HIPK3: variants seen among roughly 807,000 people sequenced by gnomAD.
HIPK3 encodes the protein homeodomain-interacting protein kinase 3.
A neutral mutation model predicts 124.2 loss-of-function variants in HIPK3; 47 were observed. The observed-to-expected ratio is 0.38, with a 90% CI of 0.30 to 0.48. HIPK3 has a LOEUF of 0.48. HIPK3 is among the 20% of genes least tolerant of loss of function. The probability of loss-of-function intolerance (pLI) is 0.98; values close to 1 mark genes in which losing one functional copy is unlikely to be tolerated. For synonymous variants in HIPK3, 482 were observed against 515.2 expected (o/e 0.94, Z 0.87); for missense variants, 1,286 against 1,454.3 (o/e 0.88, Z 1.88).
intron 9 of HIPK3, 91 bp downstream of exon 9, chr11:33,347,505 G>A (rs923357755): frequency 6.3e-7 from 1 of 1,580,534 alleles, no homozygotes; most frequent in Middle Eastern, 1.7e-4. Flanking sequence ...CCATTTTGTA[G>A]GTTATGGACT....
At position 33,348,679 on chromosome 11, in the gene HIPK3, C is replaced by G; in HGVS notation, c.2527C>G (p.Gln843Glu). The G allele has an allele frequency of 6.2e-7, 1 of 1,614,110 alleles. No individual in the cohort carries two copies. Among genetic ancestry groups the G allele is most frequent in the Non-Finnish European group, 8.5e-7 (1 of 1,180,004 alleles). Residue 843 changes from glutamine (Q) to glutamate (E), a missense_variant, in exon 13 of 17, where the codon CAG (glutamine) becomes GAG (glutamate). This residue lies in a region of HIPK3 where 810 missense variants were observed against 864.9 expected (regional missense o/e 0.94). Transcript: ENST00000303296. ...ARNCCETSIR[Q>E]DSDSSVSDKQ... Reference sequence around the variant, plus strand: ...AAATTGCTGTGAAACATCTATCAGACAGGACTCTGATTCATCAGTTTCAGA... The same window carrying G: ...AAATTGCTGTGAAACATCTATCAGAGAGGACTCTGATTCATCAGTTTCAGA...
Position 33,350,833 on chromosome 11 carries a change from A to G in HIPK3, c.2808-775A>G, listed in dbSNP as rs1036320332. 1.5e-4 allele frequency among the ~76,000 whole-genome samples: 23 copies of G among 152,224 alleles called. 1 individual carries two copies. The highest frequency in any genetic ancestry group is 5.3e-4 in the African/African-American group (22 of 41,462). On this transcript the variant is annotated intron_variant, in intron 14 of 16. Transcript: ENST00000303296. ...ATAGCCAAAGCTCTATGGAAAATAT[A>G]AGGAAATTTTAATGTATCTTCTTAA...
At chr11:33,352,047 A>G (rs528425955) in intron 15 of HIPK3, 91 bp from the exon 16 acceptor site, 3 of 1,302,690 alleles carry the variant, frequency 2.3e-6, no homozygotes, top group South Asian at 2.6e-5. Flanking sequence ...AGGCTCTCAA[A>G]TCACTATTGT....
chr11:33,283,598 G>A (rs1015960567), intron 1 of HIPK3, among the ~76,000 whole-genome samples: 1 of 151,846 alleles, frequency 6.6e-6, no homozygotes. Flanking sequence ...AAGGTGGTAC[G>A]TTTACTTGTT....
chr11:33,351,571 A>G lies in HIPK3; in HGVS notation c.2808-37A>G. 2.0e-6 allele frequency: 3 copies of G among 1,468,664 alleles called. No homozygotes were observed. The South Asian group carries it at 3.4e-5, about 17-fold the overall frequency. 91.0% of individuals were successfully genotyped at this position (1,468,664 alleles called of 1,614,324 possible). A position where few individuals can be genotyped will look rare whatever the true frequency, so the allele number is the denominator to read the frequency against. ...CTTAACATTAGATTTAATGTTGGAA[A>G]AAAATATCACTCATAAAAAATGCTT... On this transcript the variant is annotated intron_variant, in intron 14 of 16. Transcript: ENST00000303296.
intron 2 of HIPK3, among the ~76,000 whole-genome samples, chr11:33,321,771 TA>T (rs895283505): frequency 1.3e-5 from 2 of 152,206 alleles, no homozygotes; most frequent in Non-Finnish European, 2.9e-5. Context: ...CTTAGTCCTT[TA>T]GATAATCTTC....
chr11:33,332,516 A>G (rs1184384739), intron 3 of HIPK3, among the ~76,000 whole-genome samples: 1 of 152,214 alleles, frequency 6.6e-6, no homozygotes, highest in African/African-American at 2.4e-5. Context: ...CGGATGGACA[A>G]TAGTTGGTAA....
At chr11:33,304,729 G>T (rs1852106121) in intron 2 of HIPK3, among the ~76,000 whole-genome samples, 1 of 152,136 alleles carries the variant, frequency 6.6e-6, no homozygotes, top group Non-Finnish European at 1.5e-5. Context: ...TCAGTTTTTT[G>T]ATTATGTCAG....
chr11:33,301,855 CGAGT>C (rs937247931), intron 2 of HIPK3, among the ~76,000 whole-genome samples: 172 of 151,478 alleles, frequency 1.1e-3, no homozygotes, highest in Non-Finnish European at 1.8e-3. Flanking sequence ...CACACACACA[CGAGT>C]ACAGTACAGT....
chr11:33,310,303 A>ATCTATCTG (rs1169259221), intron 2 of HIPK3, among the ~76,000 whole-genome samples: 79 of 151,004 alleles, frequency 5.2e-4, no homozygotes, highest in Non-Finnish European at 8.8e-4. Context: ...CTATCTATCT[A>ATCTATCTG]TCTAATCTAT....
Position 33,344,565 on chromosome 11 carries a change from C to T in HIPK3, c.1898-2728C>T, listed in dbSNP as rs189955451. 1.2e-3 allele frequency among the ~76,000 whole-genome samples: 178 copies of T among 152,164 alleles called. 2 individuals carry two copies. Among genetic ancestry groups the T allele is most frequent in the African/African-American group, 4.2e-3 (173 of 41,518 alleles). On this transcript the variant is annotated intron_variant, in intron 8 of 16. Coordinates refer to ENST00000303296, the MANE Select transcript of HIPK3 (RefSeq NM_005734.5). ...TTATAATTGATGAAAAGTTAGAAAC[C>T]TTTCTGTACATAAAGTAACAACTAT...
chr11:33,286,377 T>C, intron 1 of HIPK3, 36 bp from the exon 2 acceptor site: 1 of 1,381,056 alleles, frequency 7.2e-7, no homozygotes, highest in Non-Finnish European at 9.4e-7. Context: ...TCTTCTTTCC[T>C]TTTTTTTCTT....
chr11:33,271,049 A>G (rs1851111305), intron 1 of HIPK3, among the ~76,000 whole-genome samples: 1 of 152,198 alleles, frequency 6.6e-6, no homozygotes, highest in Non-Finnish European at 1.5e-5. Context: ...TTTAAGTTTT[A>G]TATTAGTCTA....
intron 3 of HIPK3, among the ~76,000 whole-genome samples, chr11:33,331,392 TA>T (rs1852978823): frequency 6.6e-6 from 1 of 151,914 alleles, no homozygotes; most frequent in Non-Finnish European, 1.5e-5. Flanking sequence ...GTATTTTTTT[TA>T]GACAGGGTCT....
At chr11:33,313,204 G>A (rs1469377284) in intron 2 of HIPK3, among the ~76,000 whole-genome samples, 2 of 152,132 alleles carry the variant, frequency 1.3e-5, no homozygotes, top group African/African-American at 4.8e-5. Context: ...AAAATAACTG[G>A]TGTGTATTCT....
chr11:33,318,252 G>C (rs1178984034), intron 2 of HIPK3, among the ~76,000 whole-genome samples: 1 of 151,848 alleles, frequency 6.6e-6, no homozygotes, highest in Non-Finnish European at 1.5e-5. Flanking sequence ...TTTTTATAGA[G>C]ATGGGGGTCT....
intron 2 of HIPK3, among the ~76,000 whole-genome samples, chr11:33,321,184 A>G (rs1309659023): frequency 6.6e-6 from 1 of 152,190 alleles, no homozygotes; most frequent in Admixed American, 6.5e-5. Flanking sequence ...AGCTGTGTTA[A>G]ATACTGCAAG....
At chr11:33,299,096 C>T (rs75995698) in intron 2 of HIPK3, among the ~76,000 whole-genome samples, 1 of 151,932 alleles carries the variant, frequency 6.6e-6, no homozygotes, top group African/African-American at 2.4e-5. Context: ...ATCTACCTGC[C>T]TCGGCCTCCC....
intron 2 of HIPK3, among the ~76,000 whole-genome samples, chr11:33,297,334 T>TCCA (rs1396369057): frequency 6.6e-6 from 1 of 152,182 alleles, no homozygotes; most frequent in African/African-American, 2.4e-5. Flanking sequence ...CCTCAGGGGA[T>TCCA]CCACCCAACT....
Sources: gnomAD v4.1 joint callset for allele counts (sites outside exome capture counted in the v4.1 genomes callset) on GRCh38, gnomAD v4.1.1 for gene constraint, gnomAD v4.1.1 regional missense constraint, MANE v1.5 for transcripts, NCBI Gene and HGNC (gene_info 2026-07-23, HGNC 2026-07-21) for gene names.